SEPTIN11: variants seen among roughly 807,000 people sequenced by gnomAD.
SEPTIN11 encodes the protein septin 11.
In SEPTIN11, 25 loss-of-function variants were observed where a neutral mutation model predicts 51.4. The observed-to-expected ratio is 0.49, with a 90% CI of 0.35 to 0.68. The LOEUF is 0.68. Among genes scored for constraint, SEPTIN11 ranks in the 30% least tolerant of loss-of-function variants. The pLI, the probability that SEPTIN11 is intolerant of heterozygous loss-of-function variation, is 0.00. For synonymous variants in SEPTIN11, 174 were observed against 184.1 expected (o/e 0.95, Z 0.44); for missense variants, 381 against 520.8 (o/e 0.73, Z 2.61).
At chr4:77,008,856 C>CA (rs938835381) in intron 3 of SEPTIN11, among the ~76,000 whole-genome samples, 18 of 151,502 alleles carry the variant, frequency 1.2e-4, no homozygotes, top group African/African-American at 3.9e-4. Context: ...TTTTAATTGG[C>CA]AAAAAAAATA....
Position 77,036,539 on chromosome 4 carries a change from T to C in SEPTIN11, c.*2027T>C. On this transcript the variant is annotated 3_prime_UTR_variant, in exon 10 of 10. Coordinates refer to ENST00000264893, the MANE Select transcript of SEPTIN11 (RefSeq NM_018243.4). ...AACAACGAAAGGCATCCAGCTGACT[T>C]TTTGATTCCAAGATTATTGATTGGA... 7.2e-7 allele frequency: 1 copy of C among 1,397,532 alleles called. No homozygotes were observed. The highest frequency in any genetic ancestry group is 9.2e-7 in the Non-Finnish European group (1 of 1,082,152). 86.6% of individuals were successfully genotyped at this position (1,397,532 alleles called of 1,614,324 possible).
chr4:77,001,569 C>T (rs1366909487), intron 2 of SEPTIN11, among the ~76,000 whole-genome samples: 2 of 152,072 alleles, frequency 1.3e-5, no homozygotes, highest in African/African-American at 4.8e-5. Context: ...AGGATGGTCT[C>T]GAACTCCTGA....
intron 1 of SEPTIN11, among the ~76,000 whole-genome samples, chr4:76,966,340 AG>A (rs891089719): frequency 1.3e-5 from 2 of 152,224 alleles, no homozygotes; most frequent in African/African-American, 4.8e-5. Flanking sequence ...TGGTCAAATT[AG>A]TTATCCTGTG....
At chr4:76,969,889 C>G (rs1026537103) in intron 1 of SEPTIN11, among the ~76,000 whole-genome samples, 2 of 152,206 alleles carry the variant, frequency 1.3e-5, no homozygotes, top group Non-Finnish European at 2.9e-5. Context: ...TTTGTATGAA[C>G]TGTAGAACTA....
chr4:76,949,807 G>T lies in SEPTIN11; in HGVS notation c.-97G>T. The stretch of plus-strand genomic sequence containing the variant: ...CCGGCGAGCAGAGCGCAGCCGCGAG[G>T]GAGGCGCGAGGGAGGCGAGCCGGAG... On this transcript the variant is annotated 5_prime_UTR_variant, in exon 1 of 10. Transcript: ENST00000264893. 1 of 1,348,364 alleles carries T rather than the reference G, an allele frequency of 7.4e-7. No individual in the cohort carries two copies. The highest frequency in any genetic ancestry group is 1.0e-6 in the Non-Finnish European group (1 of 994,888). The allele number at this position is 1,348,364 out of a possible 1,614,324, so 83.5% of individuals were successfully genotyped here.
chr4:76,969,756 C>T (rs1461614782), intron 1 of SEPTIN11, among the ~76,000 whole-genome samples: 1 of 152,120 alleles, frequency 6.6e-6, no homozygotes, highest in Admixed American at 6.6e-5. Flanking sequence ...TGGGATTTTT[C>T]TCTACTACTT....
At chr4:77,019,331 T>A in intron 6 of SEPTIN11, 70 bp downstream of exon 6, 1 of 1,353,736 alleles carries the variant, frequency 7.4e-7, no homozygotes, top group Non-Finnish European at 1.0e-6. Flanking sequence ...TTTGTTCATT[T>A]TCCGTCTTGT....
Position 77,036,545 on chromosome 4 carries a change from T to G in SEPTIN11, c.*2033T>G, listed in dbSNP as rs1578218478. On this transcript the variant is annotated 3_prime_UTR_variant, in exon 10 of 10. Coordinates refer to ENST00000264893, the MANE Select transcript of SEPTIN11 (RefSeq NM_018243.4). The stretch of plus-strand genomic sequence containing the variant: ...GAAAGGCATCCAGCTGACTTTTTGA[T>G]TCCAAGATTATTGATTGGATTGACT... 3 of 1,403,260 alleles carry G rather than the reference T, an allele frequency of 2.1e-6. No homozygotes were observed. In the East Asian group the frequency reaches 8.1e-5, roughly 38 times the overall value. 86.9% of individuals were successfully genotyped at this position (1,403,260 alleles called of 1,614,324 possible). A position where few individuals can be genotyped will look rare whatever the true frequency, so the allele number is the denominator to read the frequency against.
intron 1 of SEPTIN11, among the ~76,000 whole-genome samples, chr4:76,990,725 C>A (rs1223029754): frequency 6.6e-6 from 1 of 152,242 alleles, no homozygotes; most frequent in Admixed American, 6.5e-5. Flanking sequence ...CCTGGTGCCA[C>A]AACGGTTGGG....
chr4:76,968,439 T>C (rs1424506761), intron 1 of SEPTIN11, among the ~76,000 whole-genome samples: 1 of 152,214 alleles, frequency 6.6e-6, no homozygotes, highest in East Asian at 1.9e-4. Context: ...CTTTTCGGTC[T>C]TCCTGCCTAT....
intron 7 of SEPTIN11, among the ~76,000 whole-genome samples, chr4:77,023,617 T>C (rs1725898274): frequency 6.6e-6 from 1 of 152,154 alleles, no homozygotes; most frequent in East Asian, 1.9e-4. Flanking sequence ...AAAGTTGGCT[T>C]TGAATCACAT....
chr4:76,970,280 C>T (rs1722188061), intron 1 of SEPTIN11, among the ~76,000 whole-genome samples: 1 of 152,196 alleles, frequency 6.6e-6, no homozygotes, highest in African/African-American at 2.4e-5. Context: ...TCAGCAGATA[C>T]TGTGTTGTAC....
chr4:77,028,659 T>C lies in SEPTIN11; in HGVS notation c.984T>C (p.Asn328=). 1 of 1,612,920 alleles carries C rather than the reference T, an allele frequency of 6.2e-7. No individual in the cohort carries two copies. The highest frequency in any genetic ancestry group is 8.5e-7 in the Non-Finnish European group (1 of 1,179,568). Residue 328 remains asparagine (N), a synonymous_variant, in exon 8 of 10, where the codon AAT becomes AAC. Coordinates refer to ENST00000264893, the MANE Select transcript of SEPTIN11 (RefSeq NM_018243.4). ...AGGAGACATATGAAGCAAAAAGGAA[T>C]GAATTCCTGGGAGAACTGCAGAAGA... ...SLQETYEAKR[N]EFLGELQKKE...
At chr4:76,968,296 A>C (rs1384614292) in intron 1 of SEPTIN11, among the ~76,000 whole-genome samples, 1 of 152,206 alleles carries the variant, frequency 6.6e-6, no homozygotes, top group Non-Finnish European at 1.5e-5. Flanking sequence ...TTCCTTTAAG[A>C]TGAGGAAACT....
chr4:77,015,788 G>T (rs898830466), intron 5 of SEPTIN11, among the ~76,000 whole-genome samples: 2 of 152,186 alleles, frequency 1.3e-5, no homozygotes, highest in African/African-American at 4.8e-5. Context: ...CTGGAAAGCA[G>T]ATTCTTCCCA....
At position 76,956,993 on chromosome 4, in the gene SEPTIN11, T is replaced by TGTGTGTGTGTGTGAGA. The variant is rs769320568; in HGVS notation, c.27+7064_27+7065insTGTGTGTGTGTGAGAG. 5.0e-3 allele frequency among the ~76,000 whole-genome samples: 492 copies of TGTGTGTGTGTGTGAGA among 98,560 alleles called. 3 individuals carry two copies. Among genetic ancestry groups the TGTGTGTGTGTGTGAGA allele is most frequent in the African/African-American group, 0.016 (481 of 30,548 alleles). 64.7% of individuals were successfully genotyped at this position (98,560 alleles called of 152,430 possible). A position where few individuals can be genotyped will look rare whatever the true frequency, so the allele number is the denominator to read the frequency against. On this transcript the variant is annotated intron_variant, in intron 1 of 9. Coordinates refer to ENST00000264893, the MANE Select transcript of SEPTIN11 (RefSeq NM_018243.4). ...GTGTGTGTGTGTGTGTGTGTGTGTGTGAGAGAGAGAGAGACAGAGACAGAG... is the reference window on the plus strand; with the variant it reads ...GTGTGTGTGTGTGTGTGTGTGTGTGTGTGTGTGTGTGTGAGAGAGAGAGAGAGAGACAGAGACAGAG...
chr4:76,955,727 T>C (rs918826626), intron 1 of SEPTIN11, among the ~76,000 whole-genome samples: 4 of 152,114 alleles, frequency 2.6e-5, no homozygotes, highest in Non-Finnish European at 5.9e-5. Context: ...CATGCCCAAA[T>C]TGAACCCTTA....
chr4:76,967,707 T>G (rs1722088154), intron 1 of SEPTIN11, among the ~76,000 whole-genome samples: 1 of 151,130 alleles, frequency 6.6e-6, no homozygotes. Flanking sequence ...ATTTATTTGT[T>G]TTTCTTGTAT....
chr4:76,973,513 C>T (rs1259776357), intron 1 of SEPTIN11, among the ~76,000 whole-genome samples: 1 of 152,210 alleles, frequency 6.6e-6, no homozygotes, highest in Non-Finnish European at 1.5e-5. Context: ...CTCATCAGCT[C>T]TTCAGCTCTC....
Sources: gnomAD v4.1 joint callset for allele counts (sites outside exome capture counted in the v4.1 genomes callset) on GRCh38, gnomAD v4.1.1 for gene constraint, MANE v1.5 for transcripts, NCBI Gene and HGNC (gene_info 2026-07-23, HGNC 2026-07-21) for gene names.